Variants in KIF1B observed in about 807,000 individuals in gnomAD.
KIF1B encodes kinesin-like protein KIF1B.
A neutral mutation model predicts 241.9 loss-of-function variants in KIF1B; 76 were observed. The ratio of observed to expected loss-of-function variants is 0.31; its 90% CI spans 0.26 to 0.38. The LOEUF (loss-of-function observed/expected upper bound fraction) is 0.38. KIF1B is among the 10% of genes least tolerant of loss of function. KIF1B has a pLI of 1.00. For missense variants in KIF1B, 1,622 were observed against 2,271.4 expected, an observed-to-expected ratio of 0.71 and a Z score of 5.81; for synonymous variants, 750 against 796.7, an observed-to-expected ratio of 0.94 and a Z score of 0.99.
Position 10,282,543 on chromosome 1 carries a change from A to G in KIF1B, c.1434+10A>G. 6.2e-7 allele frequency: 1 copy of G among 1,603,338 alleles called. No homozygotes were observed. On this transcript the variant is annotated intron_variant, in intron 15 of 48. Transcript: ENST00000676179. ...TATTGAACGTTTAAAGGTAAGTAAT[A>G]GTTCAGACTGAATACAAGGTATTCT...
intron 15 of KIF1B, among the ~76,000 whole-genome samples, chr1:10,284,185 G>A (rs1649574625): frequency 6.6e-6 from 1 of 151,860 alleles, no homozygotes; most frequent in Admixed American, 6.6e-5. Flanking sequence ...GCTGCAGTGA[G>A]CTGTGATTGT....
At chr1:10,245,379 A>G (rs535521872) in intron 2 of KIF1B, among the ~76,000 whole-genome samples, 4 of 152,308 alleles carry the variant, frequency 2.6e-5, no homozygotes, top group African/African-American at 7.2e-5. Flanking sequence ...CCTTTGAAAC[A>G]TTTTGTGATA....
Position 10,365,565 on chromosome 1 carries a change from G to T in KIF1B, c.4669G>T (p.Ala1557Ser). 1.2e-6 allele frequency: 2 copies of T among 1,614,024 alleles called. No homozygotes were observed. The highest frequency in any genetic ancestry group is 1.7e-6 in the Non-Finnish European group (2 of 1,180,010). ...SQISTTTFES[A>S]ITPSESSGYD... ...GATCTCAACCACTACCTTTGAAAGC[G>T]CCATCACACCTAGCGAGAGCAGTGG... Residue 1557 changes from alanine to serine, a missense_variant, in exon 43 of 49, where the codon GCC becomes TCC. Ala to Ser is a moderately conservative substitution (Grantham distance 99). Transcript: ENST00000676179. This position sits in a 1 kb window ranked among gnomAD's most constrained non-coding sequence, Gnocchi z 4.0.
intron 7 of KIF1B, among the ~76,000 whole-genome samples, chr1:10,269,761 T>G (rs1172142928): frequency 6.6e-6 from 1 of 152,192 alleles, no homozygotes; most frequent in Non-Finnish European, 1.5e-5. Context: ...GAGGTTGCAG[T>G]TGGCTGAGGT....
chr1:10,217,049 C>G lies in KIF1B; in HGVS notation c.-80+6171C>G, dbSNP rs375450885. Among the ~76,000 whole-genome samples, 64 of 129,274 alleles carry G rather than the reference C, an allele frequency of 5.0e-4. 1 individual carries two copies. The East Asian group carries it at 0.013, about 26-fold the overall frequency. 84.8% of individuals were successfully genotyped at this position (129,274 alleles called of 152,430 possible). A position where few individuals can be genotyped will look rare whatever the true frequency, so the allele number is the denominator to read the frequency against. ...AGTGCAGTGGCCTGATCTTGGCTCA[C>G]TACAACCTCTGCCTCCCGGATTCAA... On this transcript the variant is annotated intron_variant, in intron 1 of 48. Transcript: ENST00000676179.
intron 45 of KIF1B, among the ~76,000 whole-genome samples, chr1:10,372,059 G>C (rs1410087741): frequency 6.6e-6 from 1 of 152,138 alleles, no homozygotes; most frequent in East Asian, 1.9e-4. Context: ...TCATCCACCT[G>C]TCTATCTTAT....
At chr1:10,296,746 C>T (rs1250152446) in intron 20 of KIF1B, 81 bp downstream of exon 20, 8 of 1,430,348 alleles carry the variant, frequency 5.6e-6, no homozygotes, top group Non-Finnish European at 7.8e-6. Context: ...TGTTTAAAGG[C>T]TGAAGTAATA....
chr1:10,324,791 T>C lies in KIF1B; in HGVS notation c.2571T>C (p.Asp857=). Residue 857 remains aspartate, a synonymous_variant, in exon 26 of 49, where the codon GAT becomes GAC. Coordinates refer to ENST00000676179, the MANE Select transcript of KIF1B (RefSeq NM_001365951.3). ...TGGATTTGATGCGAGAGATGTATGA[T>C]AGGGCAGGGGAGATGGCCTCCAGTG... ...QRLDLMREMY[D]RAGEMASSAQ... 6.2e-7 allele frequency: 1 copy of C among 1,614,158 alleles called. No individual in the cohort carries two copies. The highest frequency in any genetic ancestry group is 8.5e-7 in the Non-Finnish European group (1 of 1,180,018).
At chr1:10,252,471 C>G (rs1340109198) in intron 2 of KIF1B, among the ~76,000 whole-genome samples, 1 of 151,864 alleles carries the variant, frequency 6.6e-6, no homozygotes, top group South Asian at 2.1e-4. Context: ...AGTGCAGTGG[C>G]ACAATCTTGG....
intron 22 of KIF1B, chr1:10,306,757 TAAAAAAAA>T (rs745772393): frequency 1.3e-3 from 761 of 566,772 alleles, no homozygotes; most frequent in Non-Finnish European, 1.5e-3. Flanking sequence ...AACCTGTCTT[TAAAAAAAA>T]AAAAAAAAAA....
At chr1:10,285,793 T>C (rs903572889) in intron 15 of KIF1B, among the ~76,000 whole-genome samples, 6 of 152,304 alleles carry the variant, frequency 3.9e-5, no homozygotes, top group Admixed American at 3.3e-4. Context: ...GGTTGTGCAG[T>C]AGAAATGCTT....
chr1:10,212,523 C>G (rs1159219733), intron 1 of KIF1B, among the ~76,000 whole-genome samples: 2 of 152,092 alleles, frequency 1.3e-5, no homozygotes, highest in Non-Finnish European at 1.5e-5. Context: ...TCTTTGTGGC[C>G]TTTGCTTTCA....
chr1:10,250,264 A>G (rs1488973964), intron 2 of KIF1B, among the ~76,000 whole-genome samples: 1 of 152,152 alleles, frequency 6.6e-6, no homozygotes, highest in Non-Finnish European at 1.5e-5. Flanking sequence ...ACTAGGTATT[A>G]CCTCAATTTT....
At chr1:10,226,475 CT>C (rs1156370986) in intron 1 of KIF1B, among the ~76,000 whole-genome samples, 12 of 152,138 alleles carry the variant, frequency 7.9e-5, no homozygotes, top group African/African-American at 2.9e-4. Context: ...CCTTTCTTGT[CT>C]TGTTTGTAAC....
Position 10,374,346 on chromosome 1 carries a change from T to C in KIF1B, c.4977T>C (p.Ser1659=), listed in dbSNP as rs778240671. 75 of 1,614,048 alleles carry C rather than the reference T, an allele frequency of 4.6e-5. 2 individuals carry two copies. The South Asian group carries it at 7.9e-4, about 17-fold the overall frequency. The change falls in exon 46 of 49, where the codon AGT becomes AGC. Residue 1659 remains serine (S), a synonymous_variant. Transcript: ENST00000676179. The surrounding 1 kb of genome is among the most constrained non-coding windows in gnomAD (Gnocchi z 4.3). ...KTPEANSRAS[S]PCPEFEQFQI... The stretch of plus-strand genomic sequence containing the variant: ...CAGAAGCCAATTCCCGGGCCTCTAG[T>C]CCCTGCCCAGAATTTGAACAGTTTC...
At chr1:10,304,723 C>A (rs1569779285) in intron 22 of KIF1B, 1 of 1,585,426 alleles carries the variant, frequency 6.3e-7, no homozygotes, top group Non-Finnish European at 8.6e-7. Context: ...TTGGTTCTAC[C>A]TTTGGCCTTG....
At chr1:10,302,871 A>T (rs1272299925) in intron 22 of KIF1B, among the ~76,000 whole-genome samples, 1 of 152,182 alleles carries the variant, frequency 6.6e-6, no homozygotes, top group Middle Eastern at 3.2e-3. Flanking sequence ...CAATTCTCCT[A>T]AGAAATTTGG....
At chr1:10,239,162 C>T (rs1246795044) in intron 2 of KIF1B, among the ~76,000 whole-genome samples, 1 of 152,100 alleles carries the variant, frequency 6.6e-6, no homozygotes, top group Non-Finnish European at 1.5e-5. Context: ...ACCATGTTGC[C>T]CATGCTGGTC....
At chr1:10,268,824 G>C (rs1648623069) in intron 7 of KIF1B, among the ~76,000 whole-genome samples, 1 of 151,978 alleles carries the variant, frequency 6.6e-6, no homozygotes. Flanking sequence ...TTTGAATTCT[G>C]ATTCTGCCAC....
Sources: gnomAD v4.1 joint callset for allele counts (sites outside exome capture counted in the v4.1 genomes callset) on GRCh38, gnomAD v4.1.1 for gene constraint, Gnocchi (gnomAD v3.1) non-coding constraint, MANE v1.5 for transcripts, NCBI Gene and HGNC (gene_info 2026-07-23, HGNC 2026-07-21) for gene names.